Variants in KIF21B observed in about 807,000 individuals in gnomAD.
KIF21B encodes kinesin-like protein KIF21B.
A neutral mutation model predicts 192.9 loss-of-function variants in KIF21B; 85 were observed. The observed-to-expected ratio is 0.44, with a 90% CI of 0.37 to 0.53. The LOEUF is 0.53. KIF21B is among the 20% of genes least tolerant of loss of function. The pLI, the probability that KIF21B is intolerant of heterozygous loss-of-function variation, is 0.00. For synonymous variants in KIF21B, 832 were observed against 884.6 expected (o/e 0.94, Z 1.05); for missense variants, 1,716 against 2,194.8 (o/e 0.78, Z 4.36).
intron 14 of KIF21B, among the ~76,000 whole-genome samples, chr1:200,997,437 G>A (rs1657140315): frequency 6.6e-6 from 1 of 152,036 alleles, no homozygotes; most frequent in East Asian, 1.9e-4. Context: ...AAGTCTTCAC[G>A]ACCATCCTTT....
In KIF21B at chr1:200,999,843, G is replaced by T; in HGVS notation, c.1767+40C>A. The stretch of plus-strand genomic sequence containing the variant: ...CCCGCCAACCCCAGCAGGGACACAA[G>T]GCATGCATGTGGTGAGGTGGGGCGG... On this transcript the variant is annotated intron_variant, in intron 12 of 34. Coordinates refer to ENST00000461742, the MANE Select transcript of KIF21B (RefSeq NM_001252102.2). The surrounding 1 kb of genome is among the most constrained non-coding windows in gnomAD (Gnocchi z 4.7). 1 of 1,604,576 alleles carries T rather than the reference G, an allele frequency of 6.2e-7. No individual in the cohort carries two copies. The highest frequency in any genetic ancestry group is 8.5e-7 in the Non-Finnish European group (1 of 1,173,506).
chr1:200,990,720 C>G lies in KIF21B; in HGVS notation c.2691G>C (p.Lys897Asn), dbSNP rs1466376454. ...PTVNGTRPAR[K>N]KFQKKGASQS... Reference sequence around the variant, plus strand: ...GGCTGGCCCCCTTCTTCTGGAACTTCTTTCTGGGAGACATAGGCAAAGGGG... The same window carrying G: ...GGCTGGCCCCCTTCTTCTGGAACTTGTTTCTGGGAGACATAGGCAAAGGGG... Residue 897 changes from lysine (K) to asparagine (N), a missense_variant, in exon 19 of 35, where the codon AAG becomes AAC. Transcript: ENST00000461742. This position sits in a 1 kb window ranked among gnomAD's most constrained non-coding sequence, Gnocchi z 5.4. 6.2e-7 allele frequency: 1 copy of G among 1,614,020 alleles called. No homozygotes were observed. The highest frequency in any genetic ancestry group is 2.2e-5 in the East Asian group (1 of 44,890).
Position 200,982,952 on chromosome 1 carries a change from T to C in KIF21B, c.3842+104A>G. On this transcript the variant is annotated intron_variant, in intron 28 of 34. Coordinates refer to ENST00000461742, the MANE Select transcript of KIF21B (RefSeq NM_001252102.2). The surrounding 1 kb of genome is among the most constrained non-coding windows in gnomAD (Gnocchi z 4.7). ...GAAGGGGAGTGGAGGGGCCGCATGC[T>C]GAGGACACGGGTGTCAGGCGGGAGG... 3.9e-6 allele frequency: 4 copies of C among 1,035,014 alleles called. No individual in the cohort carries two copies. Among genetic ancestry groups the C allele is most frequent in the Non-Finnish European group, 5.8e-6 (4 of 691,466 alleles). The allele number at this position is 1,035,014 out of a possible 1,614,324, so 64.1% of individuals were successfully genotyped here. A position where few individuals can be genotyped will look rare whatever the true frequency, so the allele number is the denominator to read the frequency against.
chr1:200,980,922 G>A lies in KIF21B; in HGVS notation c.3979+38C>T, dbSNP rs373092119. The A allele has an allele frequency of 1.3e-5, 21 of 1,596,836 alleles. No individual in the cohort carries two copies. The African/African-American group carries it at 2.3e-4, about 17-fold the overall frequency. On this transcript the variant is annotated intron_variant, in intron 29 of 34. Coordinates refer to ENST00000461742, the MANE Select transcript of KIF21B (RefSeq NM_001252102.2). ...ACAAAGGAAGCAGGGGTGAGTAGGA[G>A]ACCCCAACCCTACCTGGCTAGTTGG...
chr1:201,000,523 C>T lies in KIF21B; in HGVS notation c.1552G>A (p.Gly518Ser). 1.2e-6 allele frequency: 2 copies of T among 1,612,216 alleles called. No individual in the cohort carries two copies. The highest frequency in any genetic ancestry group is 2.2e-5 in the South Asian group (2 of 91,042). ...RASARSPYSL[G>S]ASPAAPAFGG... is the part of the protein sequence containing the mutation. ...AAGGCCGGGGCGGCTGGAGAAGCACCCAGGGAGTAGGGGCTCCTAGCCGAG... is the reference window on the plus strand; with the variant it reads ...AAGGCCGGGGCGGCTGGAGAAGCACTCAGGGAGTAGGGGCTCCTAGCCGAG... The change falls in exon 11 of 35, where the codon GGT becomes AGT. Residue 518 changes from glycine to serine, a missense_variant. By Grantham distance (56) the Gly-to-Ser change is moderately conservative. Transcript: ENST00000461742. The surrounding 1 kb of genome is among the most constrained non-coding windows in gnomAD (Gnocchi z 6.0).
rs139383924 is a variant in KIF21B, at chr1:201,008,901, C to T, written c.315G>A (p.Thr105=). 2.4e-5 allele frequency: 39 copies of T among 1,611,922 alleles called. No homozygotes were observed. Among genetic ancestry groups the T allele is most frequent in the African/African-American group, 1.6e-4 (12 of 75,060 alleles). The change falls in exon 3 of 35, where the codon ACG becomes ACA. Residue 105 remains threonine, a synonymous_variant. Coordinates refer to ENST00000461742, the MANE Select transcript of KIF21B (RefSeq NM_001252102.2). Reference sequence around the variant, plus strand: ...GGATGATGCCCTGCTCCTCCTCCGACGTTGCCATGTCAAAGCCAGTGCCCA... The same window carrying T: ...GGATGATGCCCTGCTCCTCCTCCGATGTTGCCATGTCAAAGCCAGTGCCCA... ...YTMGTGFDMA[T]SEEEQGIIPR... is the part of the protein sequence containing the mutation.
chr1:201,004,727 T>C, intron 6 of KIF21B, 39 bp downstream of exon 6: 1 of 1,613,242 alleles, frequency 6.2e-7, no homozygotes, highest in Non-Finnish European at 8.5e-7. Flanking sequence ...GAGACTGAGC[T>C]GTGTGGGTGC....
intron 6 of KIF21B, 71 bp downstream of exon 6, chr1:201,004,695 C>G (rs758924017): frequency 6.3e-7 from 1 of 1,578,426 alleles, no homozygotes; most frequent in Non-Finnish European, 8.7e-7. Context: ...AGGTGTAGGA[C>G]TGCAGGGCCT....
chr1:200,984,407 G>A (rs1656147272), intron 27 of KIF21B, among the ~76,000 whole-genome samples: 1 of 152,216 alleles, frequency 6.6e-6, no homozygotes. Context: ...GTGAATATAG[G>A]TGGACCTGAA....
rs1047403644 is a variant in KIF21B, at chr1:200,982,554, G to T, written c.3842+502C>A. On this transcript the variant is annotated intron_variant, in intron 28 of 34. Coordinates refer to ENST00000461742, the MANE Select transcript of KIF21B (RefSeq NM_001252102.2). This position sits in a 1 kb window ranked among gnomAD's most constrained non-coding sequence, Gnocchi z 4.7. ...GTGTGCTAACAGGTGTGGGCAAGGGGCGCTGCCCCCATGGTGCCCCTCCCC... is the reference window on the plus strand; with the variant it reads ...GTGTGCTAACAGGTGTGGGCAAGGGTCGCTGCCCCCATGGTGCCCCTCCCC... Among the ~76,000 whole-genome samples, 8 of 152,230 alleles carry T rather than the reference G, an allele frequency of 5.3e-5. No individual in the cohort carries two copies. In the South Asian group the frequency reaches 1.7e-3, roughly 32 times the overall value.
At position 200,973,440 on chromosome 1, in the gene KIF21B, A is replaced by T; in HGVS notation, c.*81T>A. The T allele has an allele frequency of 7.3e-7, 1 of 1,373,756 alleles. No individual in the cohort carries two copies. Among genetic ancestry groups the T allele is most frequent in the Non-Finnish European group, 9.3e-7 (1 of 1,070,906 alleles). The allele number at this position is 1,373,756 out of a possible 1,614,324, so 85.1% of individuals were successfully genotyped here. ...CTCTGTCCCCAGAGCAGCTGGCCCC[A>T]TCGGCCGGGTCACAGCTTCCCTTCC... is the stretch of plus-strand genomic sequence containing the variant. On this transcript the variant is annotated 3_prime_UTR_variant, in exon 35 of 35. Coordinates refer to ENST00000461742, the MANE Select transcript of KIF21B (RefSeq NM_001252102.2).
At chr1:201,014,129 G>A (rs1006743713) in intron 1 of KIF21B, among the ~76,000 whole-genome samples, 7 of 152,256 alleles carry the variant, frequency 4.6e-5, no homozygotes, top group Non-Finnish European at 7.3e-5. Flanking sequence ...TCAGAGTCAG[G>A]ATCTGGCACA....
chr1:201,014,018 A>G (rs768107694), intron 1 of KIF21B, among the ~76,000 whole-genome samples: 1 of 152,170 alleles, frequency 6.6e-6, no homozygotes, highest in Non-Finnish European at 1.5e-5. Context: ...GGCCCCCGGA[A>G]TCTCCCAGAA....
At chr1:201,019,518 A>T (rs1376266308) in intron 1 of KIF21B, among the ~76,000 whole-genome samples, 1 of 151,970 alleles carries the variant, frequency 6.6e-6, no homozygotes, top group South Asian at 2.1e-4. Context: ...TGCCAGGCAC[A>T]TATCACCTCT....
intron 21 of KIF21B, among the ~76,000 whole-genome samples, chr1:200,989,586 C>A (rs572532647): frequency 2.6e-5 from 4 of 152,222 alleles, no homozygotes; most frequent in Admixed American, 6.5e-5. Context: ...CCCCTACCCC[C>A]ACATACACAC....
chr1:200,997,003 C>T (rs185101814), intron 14 of KIF21B, among the ~76,000 whole-genome samples: 1 of 152,308 alleles, frequency 6.6e-6, no homozygotes, highest in East Asian at 1.9e-4. Flanking sequence ...ATCAACAAAG[C>T]CTTCTGGCTC....
intron 28 of KIF21B, among the ~76,000 whole-genome samples, chr1:200,981,833 G>A (rs1247985158): frequency 6.6e-6 from 1 of 152,194 alleles, no homozygotes; most frequent in Non-Finnish European, 1.5e-5. Context: ...CTAGGGGAGC[G>A]AGAAGGAGGC....
chr1:201,010,401 G>A (rs1658163901), intron 1 of KIF21B, among the ~76,000 whole-genome samples: 1 of 152,038 alleles, frequency 6.6e-6, no homozygotes, highest in African/African-American at 2.4e-5. Flanking sequence ...GGACTGAGAA[G>A]CCAGCCATGG....
rs991066872 is a variant in KIF21B, at chr1:200,981,064, C to T, written c.3875G>A (p.Gly1292Asp). The T allele has an allele frequency of 6.3e-7, 1 of 1,598,062 alleles. No homozygotes were observed. Among genetic ancestry groups the T allele is most frequent in the Non-Finnish European group, 8.5e-7 (1 of 1,175,140 alleles). The change falls in exon 29 of 35, where the codon GGT becomes GAT. Residue 1292 changes from glycine to aspartate, a missense_variant. Physicochemically the swap from Gly to Asp is moderately conservative, Grantham distance 94. Around this residue, in one of 3 missense-constraint regions of KIF21B, gnomAD observed 580 missense variants for 775.5 expected, o/e 0.75. Transcript: ENST00000461742. Reference sequence around the variant, plus strand: ...ACACTGCAGTGGGGCCGTCCGTGCACCCTTGGCTCCTCCAACCGGGGAGAT... The same window carrying T: ...ACACTGCAGTGGGGCCGTCCGTGCATCCTTGGCTCCTCCAACCGGGGAGAT... ...GIISPVGGAK[G>D]ARTAPLQCVS...
Sources: gnomAD v4.1 joint callset for allele counts (sites outside exome capture counted in the v4.1 genomes callset) on GRCh38, gnomAD v4.1.1 for gene constraint, gnomAD v4.1.1 regional missense constraint, Gnocchi (gnomAD v3.1) non-coding constraint, MANE v1.5 for transcripts, NCBI Gene and HGNC (gene_info 2026-07-23, HGNC 2026-07-21) for gene names.